CDH4: variants seen among roughly 807,000 people sequenced by gnomAD.
CDH4 encodes the protein cadherin-4.
In CDH4, 33 loss-of-function variants were observed where a neutral mutation model predicts 86.0. That is an observed-to-expected ratio of 0.38 (90% confidence interval 0.29 to 0.51). CDH4 has a LOEUF of 0.51. CDH4 is among the 20% of genes least tolerant of loss of function. The pLI is 0.86. For missense variants in CDH4, 1,114 were observed against 1,307.4 expected, an observed-to-expected ratio of 0.85 and a Z score of 2.28; for synonymous variants, 555 against 549.4, an observed-to-expected ratio of 1.01 and a Z score of -0.14.
At chr20:61,933,963 T>C (rs944251412) in intron 14 of CDH4, 93 bp from the exon 15 acceptor site, 4 of 1,413,674 alleles carry the variant, frequency 2.8e-6, no homozygotes, top group Non-Finnish European at 3.9e-6. Flanking sequence ...AGCAGGTGCA[T>C]CTGTGGCCCA....
intron 4 of CDH4, among the ~76,000 whole-genome samples, chr20:61,778,664 C>T (rs80205007): frequency 0.012 from 1,797 of 152,160 alleles, 75 homozygotes; most frequent in East Asian, 0.11. Context: ...TGTACCCACA[C>T]CGCGGAGGGA....
chr20:61,711,802 T>C (rs189344544), intron 2 of CDH4, among the ~76,000 whole-genome samples: 22 of 151,838 alleles, frequency 1.4e-4, no homozygotes, highest in Admixed American at 1.4e-3. Context: ...ATACAAGATA[T>C]AGGGTGGAGG....
chr20:61,366,738 T>G (rs1204783614), intron 2 of CDH4, among the ~76,000 whole-genome samples: 1 of 152,316 alleles, frequency 6.6e-6, no homozygotes, highest in East Asian at 1.9e-4. Context: ...GGCCAGGTGT[T>G]CCTTGCCCTC....
At chr20:61,653,471 CGTG>C (rs2087147715) in intron 2 of CDH4, among the ~76,000 whole-genome samples, 1 of 109,044 alleles carries the variant, frequency 9.2e-6, no homozygotes. Flanking sequence ...CAGACGGGGT[CGTG>C]GCCGGGCAGA....
At chr20:61,699,952 GC>G (rs1568763634) in intron 2 of CDH4, among the ~76,000 whole-genome samples, 1 of 152,206 alleles carries the variant, frequency 6.6e-6, no homozygotes, top group Non-Finnish European at 1.5e-5. Context: ...CCCATGTCAA[GC>G]CCAGGAAGTG....
intron 7 of CDH4, among the ~76,000 whole-genome samples, chr20:61,878,718 C>T (rs979282627): frequency 1.3e-5 from 2 of 152,232 alleles, no homozygotes; most frequent in African/African-American, 2.4e-5. Flanking sequence ...ACCCCTTGGC[C>T]GGAGGAGACG....
At chr20:61,459,899 C>G (rs1327787940) in intron 2 of CDH4, among the ~76,000 whole-genome samples, 1 of 151,918 alleles carries the variant, frequency 6.6e-6, no homozygotes, top group Non-Finnish European at 1.5e-5. Flanking sequence ...CTGTGACCCA[C>G]AGAAGGTCAC....
chr20:61,262,073 A>T (rs1004326269), intron 2 of CDH4, among the ~76,000 whole-genome samples: 1 of 152,178 alleles, frequency 6.6e-6, no homozygotes, highest in African/African-American at 2.4e-5. Flanking sequence ...AGCACGTTCC[A>T]TCTGAGCTGG....
At chr20:61,418,363 A>G (rs1308007559) in intron 2 of CDH4, among the ~76,000 whole-genome samples, 1 of 151,916 alleles carries the variant, frequency 6.6e-6, no homozygotes, top group Non-Finnish European at 1.5e-5. Flanking sequence ...GGCTCCCGCC[A>G]CCACACCTGG....
chr20:61,773,624 C>T (rs2088805508), intron 4 of CDH4, among the ~76,000 whole-genome samples: 1 of 152,184 alleles, frequency 6.6e-6, no homozygotes, highest in Non-Finnish European at 1.5e-5. Flanking sequence ...TCCCCGAGCT[C>T]CCAAGGCCAC....
chr20:61,399,353 C>T (rs1226724645), intron 2 of CDH4, among the ~76,000 whole-genome samples: 1 of 47,410 alleles, frequency 2.1e-5, no homozygotes, highest in Non-Finnish European at 3.9e-5. Context: ...AGGATGGTCT[C>T]GATCTCCTGA....
chr20:61,507,588 A>G (rs932044213), intron 2 of CDH4, among the ~76,000 whole-genome samples: 4 of 152,160 alleles, frequency 2.6e-5, no homozygotes, highest in Non-Finnish European at 5.9e-5. Context: ...TTCTAGGAAA[A>G]AAAAGGGTAC....
intron 2 of CDH4, among the ~76,000 whole-genome samples, chr20:61,318,245 T>G (rs758949429): frequency 3.3e-5 from 5 of 152,168 alleles, no homozygotes; most frequent in Non-Finnish European, 7.3e-5. Context: ...TCCCGTATGT[T>G]CCTCTCCATC....
At position 61,518,046 on chromosome 20, in the gene CDH4, T is replaced by C. The variant is rs2085836590; in HGVS notation, c.170-225517T>C. Among the ~76,000 whole-genome samples the C allele has an allele frequency of 6.6e-6, 1 of 152,170 alleles. No homozygotes were observed. Among genetic ancestry groups the C allele is most frequent in the Non-Finnish European group, 1.5e-5 (1 of 68,022 alleles). ...CTCAGCCCAGGTTACCTGATCCCTT[T>C]TCAGGCGCTATTTTCCCCATGCAGA... On this transcript the variant is annotated intron_variant, in intron 2 of 15. Coordinates refer to ENST00000614565, the MANE Select transcript of CDH4 (RefSeq NM_001794.5). The surrounding 1 kb of genome is among the most constrained non-coding windows in gnomAD (Gnocchi z 6.3).
intron 2 of CDH4, among the ~76,000 whole-genome samples, chr20:61,491,267 T>C (rs2427135): frequency 0.48 from 73,195 of 152,020 alleles, 17,827 homozygotes; most frequent in Admixed American, 0.54. Context: ...CAGCTTAGAT[T>C]CAACATGCCC....
rs147861052 is a variant in CDH4, at chr20:61,367,605, T to A, written c.169+112668T>A. On this transcript the variant is annotated intron_variant, in intron 2 of 15. Transcript: ENST00000614565. ...CAGAAACAATGACAGTTATAGATCA[T>A]AACCTCCAGAATAAACAGGAGCCCC... Among the ~76,000 whole-genome samples the A allele has an allele frequency of 4.6e-3, 704 of 151,836 alleles. 9 individuals carry two copies. Among genetic ancestry groups the A allele is most frequent in the African/African-American group, 0.015 (609 of 41,308 alleles).
intron 2 of CDH4, among the ~76,000 whole-genome samples, chr20:61,701,786 G>A (rs2145886229): frequency 6.6e-6 from 1 of 152,334 alleles, no homozygotes; most frequent in East Asian, 1.9e-4. Context: ...TAATGATTCG[G>A]ACAAAGCGTC....
rs2085768826 is a variant in CDH4 at position 61,510,091 on chromosome 20, G to C, written c.170-233472G>C. Among the ~76,000 whole-genome samples, 1 of 152,210 alleles carries C rather than the reference G, an allele frequency of 6.6e-6. No individual in the cohort carries two copies. Among genetic ancestry groups the C allele is most frequent in the Admixed American group, 6.5e-5 (1 of 15,284 alleles). On this transcript the variant is annotated intron_variant, in intron 2 of 15. Transcript: ENST00000614565. This position sits in a 1 kb window ranked among gnomAD's most constrained non-coding sequence, Gnocchi z 4.2. ...TTGAAATGTTCTATTGAAAGTCTAT[G>C]TAACTCTGTGAGTGTTTTCCAGTGG...
rs549591386 is a variant in CDH4 at position 61,653,883 on chromosome 20, C to T, written c.170-89680C>T. On this transcript the variant is annotated intron_variant, in intron 2 of 15. Coordinates refer to ENST00000614565, the MANE Select transcript of CDH4 (RefSeq NM_001794.5). ...AGATGGGATGGCGGCCGGGCAGAGA[C>T]GCTCCTCACTTCCTAGATGGGATGG... 5.5e-4 allele frequency among the ~76,000 whole-genome samples: 73 copies of T among 132,670 alleles called. 1 individual carries two copies. The highest frequency in any genetic ancestry group is 1.8e-3 in the African/African-American group (70 of 38,282). The allele number at this position is 132,670 out of a possible 152,430, so 87.0% of individuals were successfully genotyped here. A position where few individuals can be genotyped will look rare whatever the true frequency, so the allele number is the denominator to read the frequency against.
Sources: gnomAD v4.1 joint callset for allele counts (sites outside exome capture counted in the v4.1 genomes callset) on GRCh38, gnomAD v4.1.1 for gene constraint, Gnocchi (gnomAD v3.1) non-coding constraint, MANE v1.5 for transcripts, NCBI Gene and HGNC (gene_info 2026-07-23, HGNC 2026-07-21) for gene names.